Variants in PIGG observed in about 807,000 individuals in gnomAD.
PIGG encodes phosphatidylinositol glycan anchor biosynthesis class G (EMM blood group).
Under a neutral mutation model 83.2 loss-of-function variants are expected in PIGG, and 70 were observed. The ratio of observed to expected loss-of-function variants is 0.84; its 90% CI spans 0.69 to 1.03. The LOEUF is 1.03. Ranked by LOEUF, PIGG falls within the 50% of genes least tolerant of loss-of-function variation. PIGG has a pLI of 0.00. For synonymous variants in PIGG, 532 were observed against 519.5 expected, an observed-to-expected ratio of 1.02 and a Z score of -0.33; for missense variants, 1,257 against 1,233.6, an observed-to-expected ratio of 1.02 and a Z score of -0.28.
At chr4:513,048 G>A (rs1267834986) in intron 5 of PIGG, among the ~76,000 whole-genome samples, 2 of 152,170 alleles carry the variant, frequency 1.3e-5, no homozygotes, top group South Asian at 2.1e-4. Flanking sequence ...GGCTAGGAGG[G>A]GGAGGGAGGG....
Position 528,253 on chromosome 4 carries a change from A to G in PIGG, c.2261+1023A>G. 1.0e-6 allele frequency: 1 copy of G among 984,552 alleles called. No homozygotes were observed. Among genetic ancestry groups the G allele is most frequent in the African/African-American group, 1.7e-5 (1 of 57,346 alleles). The allele number at this position is 984,552 out of a possible 1,614,324, so 61.0% of individuals were successfully genotyped here. A position where few individuals can be genotyped will look rare whatever the true frequency, so the allele number is the denominator to read the frequency against. On this transcript the variant is annotated intron_variant, in intron 10 of 12. Coordinates refer to ENST00000453061, the MANE Select transcript of PIGG (RefSeq NM_001127178.3). This position sits in a 1 kb window ranked among gnomAD's most constrained non-coding sequence, Gnocchi z 4.8. ...GTTTTTTTTTTCATACTTATATGAA[A>G]GACTACATACTTAAAATACTGGTGA...
rs370385328 is a variant in PIGG, at chr4:505,728, C to G, written c.371C>G (p.Thr124Arg). The G allele has an allele frequency of 3.6e-5, 58 of 1,612,184 alleles. No individual in the cohort carries two copies. The highest frequency in any genetic ancestry group is 4.6e-5 in the Non-Finnish European group (54 of 1,179,126). ...ATTTTCTGACTGCAGGCATTGATGACGGGGAGCCTTCCTGGCTTTGTCGAC... is the reference window on the plus strand; with the variant it reads ...ATTTTCTGACTGCAGGCATTGATGAGGGGGAGCCTTCCTGGCTTTGTCGAC... ...VTMPRIKALM[T>R]GSLPGFVDVI... is the part of the protein sequence containing the mutation. The change falls in exon 3 of 13, where the codon ACG becomes AGG. Residue 124 changes from threonine (T) to arginine (R), a missense_variant. Coordinates refer to ENST00000453061, the MANE Select transcript of PIGG (RefSeq NM_001127178.3).
intron 6 of PIGG, among the ~76,000 whole-genome samples, chr4:517,086 A>G (rs6818642): frequency 0.17 from 26,167 of 151,994 alleles, 2,815 homozygotes; most frequent in African/African-American, 0.31. Context: ...GGTGAGGGCC[A>G]CTGGGCGCTG....
At chr4:533,617 A>G in intron 11 of PIGG, 3 of 580,604 alleles carry the variant, frequency 5.2e-6, no homozygotes, top group South Asian at 2.0e-5. Context: ...AGGCAGGGGG[A>G]GGGGGTGCCA....
chr4:499,294 T>G lies in PIGG; in HGVS notation c.-42T>G. The G allele has an allele frequency of 6.3e-7, 1 of 1,593,930 alleles. No homozygotes were observed. The highest frequency in any genetic ancestry group is 8.5e-7 in the Non-Finnish European group (1 of 1,175,914). ...AAGCGCGGCTGCAGCAGGGCGAGGCTCCAGGTGGGGTCGGTTCCGCATCCA... is the reference window on the plus strand; with the variant it reads ...AAGCGCGGCTGCAGCAGGGCGAGGCGCCAGGTGGGGTCGGTTCCGCATCCA... On this transcript the variant is annotated 5_prime_UTR_variant, in exon 1 of 13. Transcript: ENST00000453061.
chr4:530,581 C>T lies in PIGG; in HGVS notation c.2407C>T (p.Leu803Phe), dbSNP rs752343318. The T allele has an allele frequency of 9.9e-6, 16 of 1,613,810 alleles. No homozygotes were observed. The highest frequency in any genetic ancestry group is 8.0e-5 in the African/African-American group (6 of 74,892). The change falls in exon 11 of 13, where the codon CTT becomes TTT. Residue 803 changes from leucine to phenylalanine, a missense_variant. Physicochemically the swap from Leu to Phe is conservative, Grantham distance 22. Coordinates refer to ENST00000453061, the MANE Select transcript of PIGG (RefSeq NM_001127178.3). ...ATGGGAGATATATAGTGGATTAGTT[C>T]TTCTGGCAGCCTTGCTCTTTAGACC... ...GLWEIYSGLV[L>F]LAALLFRPHN...
chr4:528,824 C>A lies in PIGG; in HGVS notation c.2261+1594C>A. 1 of 663,378 alleles carries A rather than the reference C, an allele frequency of 1.5e-6. No individual in the cohort carries two copies. The highest frequency in any genetic ancestry group is 1.9e-6 in the Non-Finnish European group (1 of 535,846). The allele number at this position is 663,378 out of a possible 1,614,324, so 41.1% of individuals were successfully genotyped here. Reference sequence around the variant, plus strand: ...GTAATTTGCTAGTGTCCAGAACTAGCCAGTGTGCCTTTTCTTTCCACACGC... The same window carrying A: ...GTAATTTGCTAGTGTCCAGAACTAGACAGTGTGCCTTTTCTTTCCACACGC... On this transcript the variant is annotated intron_variant, in intron 10 of 12. Transcript: ENST00000453061. The surrounding 1 kb of genome is among the most constrained non-coding windows in gnomAD (Gnocchi z 4.8).
chr4:539,296 T>C lies in PIGG; in HGVS notation c.2879T>C (p.Met960Thr), dbSNP rs764170430. 8.9e-5 allele frequency: 144 copies of C among 1,613,702 alleles called. 2 individuals carry two copies. In the Admixed American group the frequency reaches 2.3e-3, roughly 26 times the overall value. ...TCTCCAAAACTTCTCTACGAGGGAA[T>C]GCACCTGCTCATTACAGCTGCTGTC... ...VFSPKLLYEG[M>T]HLLITAAVCV... The change falls in exon 13 of 13, where the codon ATG becomes ACG. Residue 960 changes from methionine (M) to threonine (T), a missense_variant. Physicochemically the swap from Met to Thr is moderately conservative, Grantham distance 81. Coordinates refer to ENST00000453061, the MANE Select transcript of PIGG (RefSeq NM_001127178.3).
Position 499,268 on chromosome 4 carries a change from G to C in PIGG, c.-68G>C. ...GCTTAGAGGCGGCTACCTGGAGCCG[G>C]AAGCGCGGCTGCAGCAGGGCGAGGC... On this transcript the variant is annotated 5_prime_UTR_variant, in exon 1 of 13. Coordinates refer to ENST00000453061, the MANE Select transcript of PIGG (RefSeq NM_001127178.3). The C allele has an allele frequency of 6.5e-7, 1 of 1,546,632 alleles. No individual in the cohort carries two copies. Among genetic ancestry groups the C allele is most frequent in the Admixed American group, 1.8e-5 (1 of 55,038 alleles).
rs1553884091 is a variant in PIGG, at chr4:512,375, A to T, written c.901+3405A>T. Reference sequence around the variant, plus strand: ...GCTGGGATTACAGGCACCCACCACCACCGGTTAATTTTTGTATTTTTAGTA... The same window carrying T: ...GCTGGGATTACAGGCACCCACCACCTCCGGTTAATTTTTGTATTTTTAGTA... On this transcript the variant is annotated intron_variant, in intron 5 of 12. Transcript: ENST00000453061. Among the ~76,000 whole-genome samples the T allele has an allele frequency of 1.3e-5, 2 of 149,754 alleles. 1 individual carries two copies. Among genetic ancestry groups the T allele is most frequent in the African/African-American group, 4.9e-5 (2 of 40,678 alleles).
chr4:513,569 T>C (rs1226685206), intron 5 of PIGG, among the ~76,000 whole-genome samples: 1 of 152,172 alleles, frequency 6.6e-6, no homozygotes, highest in Non-Finnish European at 1.5e-5. Flanking sequence ...GCTACTAGAA[T>C]GTTTGACCCT....
At chr4:510,010 C>G (rs1180524837) in intron 5 of PIGG, among the ~76,000 whole-genome samples, 1 of 152,158 alleles carries the variant, frequency 6.6e-6, no homozygotes, top group Non-Finnish European at 1.5e-5. Context: ...TGATCTCCAC[C>G]TGACCTCTTA....
At chr4:506,335 C>G (rs1229855309) in intron 3 of PIGG, among the ~76,000 whole-genome samples, 1 of 152,198 alleles carries the variant, frequency 6.6e-6, no homozygotes, top group Non-Finnish European at 1.5e-5. Context: ...GCAAGCGGAG[C>G]CTCATCGTGC....
intron 11 of PIGG, 160 bp downstream of exon 11, chr4:530,905 C>T (rs1330444348): frequency 1.3e-5 from 8 of 612,146 alleles, no homozygotes; most frequent in African/African-American, 3.7e-5. Flanking sequence ...AAAGTACAGC[C>T]GGTTGTTTAA....
rs895226445 is a variant in PIGG at position 515,179 on chromosome 4, G to A, written c.902-794G>A. 1.6e-4 allele frequency among the ~76,000 whole-genome samples: 24 copies of A among 152,386 alleles called. No homozygotes were observed. The highest frequency in any genetic ancestry group is 1.3e-4 in the Non-Finnish European group (9 of 68,036). On this transcript the variant is annotated intron_variant, in intron 5 of 12. Coordinates refer to ENST00000453061, the MANE Select transcript of PIGG (RefSeq NM_001127178.3). This position sits in a 1 kb window ranked among gnomAD's most constrained non-coding sequence, Gnocchi z 4.2. ...CCACCTATCCTGAGTAGCCGTCCCT[G>A]TGGCCTCTTGGCGCCCTGCCGGTGT...
intron 5 of PIGG, among the ~76,000 whole-genome samples, chr4:512,669 G>A (rs1378942491): frequency 6.6e-6 from 1 of 151,792 alleles, no homozygotes; most frequent in Non-Finnish European, 1.5e-5. Flanking sequence ...ACAAAAATTA[G>A]CCAGATGTGG....
At chr4:499,787 C>T in intron 1 of PIGG, 1 of 1,232,930 alleles carries the variant, frequency 8.1e-7, no homozygotes, top group Non-Finnish European at 1.0e-6. Context: ...AGCTCCCGCC[C>T]CTTTCCTGAG....
Position 528,333 on chromosome 4 carries a change from G to T in PIGG, c.2261+1103G>T, listed in dbSNP as rs532907276. On this transcript the variant is annotated intron_variant, in intron 10 of 12. Coordinates refer to ENST00000453061, the MANE Select transcript of PIGG (RefSeq NM_001127178.3). The surrounding 1 kb of genome is among the most constrained non-coding windows in gnomAD (Gnocchi z 4.8). Reference sequence around the variant, plus strand: ...GTGGTCTTGCTTTTTACTTATTTTTGTATCTTAGCGATGTCTAGAGTTAAT... The same window carrying T: ...GTGGTCTTGCTTTTTACTTATTTTTTTATCTTAGCGATGTCTAGAGTTAAT... 2 of 984,722 alleles carry T rather than the reference G, an allele frequency of 2.0e-6. No individual in the cohort carries two copies. Among genetic ancestry groups the T allele is most frequent in the East Asian group, 1.1e-4 (1 of 8,802 alleles). 61.0% of individuals were successfully genotyped at this position (984,722 alleles called of 1,614,324 possible).
chr4:509,542 C>T (rs567454143), intron 5 of PIGG, among the ~76,000 whole-genome samples: 1 of 152,342 alleles, frequency 6.6e-6, no homozygotes, highest in Admixed American at 6.5e-5. Context: ...GCTTCTGCTG[C>T]CACACTCGCT....
Sources: gnomAD v4.1 joint callset for allele counts (sites outside exome capture counted in the v4.1 genomes callset) on GRCh38, gnomAD v4.1.1 for gene constraint, Gnocchi (gnomAD v3.1) non-coding constraint, MANE v1.5 for transcripts, NCBI Gene and HGNC (gene_info 2026-07-23, HGNC 2026-07-21) for gene names.